Variants in CSMD3 observed in about 807,000 individuals in gnomAD.
CSMD3 encodes CUB and sushi domain-containing protein 3.
In CSMD3, 177 loss-of-function variants were observed where a neutral mutation model predicts 435.2. That is an observed-to-expected ratio of 0.41 (90% CI 0.36 to 0.46). The LOEUF (loss-of-function observed/expected upper bound fraction) is 0.46, where lower values mean the gene tolerates loss of function less well. Ranked by LOEUF, CSMD3 falls within the 20% of genes least tolerant of loss-of-function variation. The pLI is 0.34. For synonymous variants in CSMD3, 1,656 were observed against 1,520.5 expected (o/e 1.09, Z -2.07); for missense variants, 4,265 against 4,504.6 (o/e 0.95, Z 1.52).
intron 4 of CSMD3, among the ~76,000 whole-genome samples, chr8:113,109,132 A>G (rs2131589663): frequency 6.6e-6 from 1 of 152,374 alleles, no homozygotes; most frequent in Middle Eastern, 3.4e-3. Context: ...ACTCACACAT[A>G]TTCATGACAA....
chr8:113,213,097 C>T (rs1485253949), intron 3 of CSMD3, among the ~76,000 whole-genome samples: 4 of 151,746 alleles, frequency 2.6e-5, no homozygotes, highest in South Asian at 2.1e-4. Context: ...ATATAAAATG[C>T]TTTTCATAAA....
At chr8:112,714,681 C>T (rs1011530113) in intron 13 of CSMD3, among the ~76,000 whole-genome samples, 1 of 152,136 alleles carries the variant, frequency 6.6e-6, no homozygotes, top group African/African-American at 2.4e-5. Context: ...AGAAGTAAAG[C>T]TCCTCCGCAA....
At chr8:113,210,888 A>AC (rs979749451) in intron 3 of CSMD3, among the ~76,000 whole-genome samples, 1 of 152,082 alleles carries the variant, frequency 6.6e-6, no homozygotes, top group Non-Finnish European at 1.5e-5. Flanking sequence ...CAAAAAAAAA[A>AC]AAGAATCTTA....
intron 4 of CSMD3, among the ~76,000 whole-genome samples, chr8:113,118,997 C>G (rs1048028843): frequency 2.0e-5 from 3 of 152,064 alleles, no homozygotes; most frequent in Admixed American, 1.3e-4. Flanking sequence ...AAAGTGAGAA[C>G]AAAAATGTAG....
intron 5 of CSMD3, among the ~76,000 whole-genome samples, chr8:113,020,169 CAAAAAAAA>C (rs1163891165): frequency 5.9e-5 from 5 of 84,636 alleles, no homozygotes; most frequent in Admixed American, 2.7e-4. Context: ...GACTCCGTCT[CAAAAAAAA>C]AAAAAAAAAA....
chr8:112,630,755 T>C (rs1483742380), intron 22 of CSMD3, among the ~76,000 whole-genome samples: 1 of 152,116 alleles, frequency 6.6e-6, no homozygotes, highest in East Asian at 1.9e-4. Context: ...ATAACTGAAA[T>C]AAAGAGTGCA....
intron 4 of CSMD3, among the ~76,000 whole-genome samples, chr8:113,134,986 A>G (rs1214164813): frequency 6.6e-6 from 1 of 152,046 alleles, no homozygotes. Flanking sequence ...GAAGCTAATC[A>G]ATTACAATGA....
At chr8:112,574,265 C>T (rs1269213154) in intron 23 of CSMD3, among the ~76,000 whole-genome samples, 1 of 151,942 alleles carries the variant, frequency 6.6e-6, no homozygotes, top group Non-Finnish European at 1.5e-5. Context: ...GCTTATTGCA[C>T]TCTAATTTGT....
At chr8:112,757,530 G>T (rs79864445) in intron 13 of CSMD3, among the ~76,000 whole-genome samples, 1,819 of 151,966 alleles carry the variant, frequency 0.012, 32 homozygotes, top group African/African-American at 0.04. Flanking sequence ...ATCAATATAG[G>T]GTAATTATTT....
intron 5 of CSMD3, among the ~76,000 whole-genome samples, chr8:113,034,716 T>C (rs992948637): frequency 6.6e-6 from 1 of 152,084 alleles, no homozygotes; most frequent in Admixed American, 6.6e-5. Context: ...GTGTCAGAAA[T>C]ACATAATGGA....
At chr8:112,491,161 C>G (rs1820648045) in intron 31 of CSMD3, among the ~76,000 whole-genome samples, 1 of 152,034 alleles carries the variant, frequency 6.6e-6, no homozygotes, top group South Asian at 2.1e-4. Context: ...TGAATACATT[C>G]TACAACTAGG....
At chr8:112,284,161 G>A (rs78518074) in intron 58 of CSMD3, among the ~76,000 whole-genome samples, 37 of 151,190 alleles carry the variant, frequency 2.4e-4, no homozygotes, top group African/African-American at 8.0e-4. Flanking sequence ...CACCTCCTAT[G>A]TAACACCATT....
chr8:113,197,294 C>T (rs1042565208), intron 3 of CSMD3, among the ~76,000 whole-genome samples: 1 of 150,022 alleles, frequency 6.7e-6, no homozygotes, highest in Admixed American at 6.7e-5. Flanking sequence ...TTGCCTTCAG[C>T]CTATATATAT....
At chr8:112,973,831 A>C (rs957104198) in intron 7 of CSMD3, among the ~76,000 whole-genome samples, 1 of 151,972 alleles carries the variant, frequency 6.6e-6, no homozygotes, top group Non-Finnish European at 1.5e-5. Flanking sequence ...TTATTGAAGA[A>C]GAAACAGAAG....
chr8:113,331,138 C>G (rs1484394341), intron 1 of CSMD3, among the ~76,000 whole-genome samples: 1 of 151,452 alleles, frequency 6.6e-6, no homozygotes, highest in Admixed American at 6.6e-5. Flanking sequence ...ACATAACTAC[C>G]AGCCTTAACG....
intron 24 of CSMD3, among the ~76,000 whole-genome samples, chr8:112,560,035 T>C (rs1828478629): frequency 6.6e-6 from 1 of 151,830 alleles, no homozygotes; most frequent in African/African-American, 2.4e-5. Context: ...ACCAAATTAA[T>C]CTAGATTTGA....
At chr8:112,682,188 T>A (rs1586957932) in intron 16 of CSMD3, among the ~76,000 whole-genome samples, 1 of 152,122 alleles carries the variant, frequency 6.6e-6, no homozygotes, top group East Asian at 1.9e-4. Context: ...GTGACCAATA[T>A]TTACCATTCA....
intron 6 of CSMD3, among the ~76,000 whole-genome samples, chr8:113,015,001 CCTT>C (rs1163406833): frequency 6.6e-6 from 1 of 152,110 alleles, no homozygotes; most frequent in African/African-American, 2.4e-5. Flanking sequence ...TCAATTCTAA[CCTT>C]CTGATCCTAT....
chr8:112,240,806 G>C (rs567195104), intron 66 of CSMD3, among the ~76,000 whole-genome samples: 1 of 152,074 alleles, frequency 6.6e-6, no homozygotes, highest in Non-Finnish European at 1.5e-5. Context: ...CATGGATACT[G>C]TTCTCTTGGT....
Sources: allele counts gnomAD v4.1 joint callset (sites outside exome capture counted in the v4.1 genomes callset), GRCh38; gene constraint gnomAD v4.1.1; transcripts MANE v1.5; gene names NCBI Gene and HGNC (gene_info 2026-07-23, HGNC 2026-07-21).